The following POU2F3 variants were observed in gnomAD, a reference collection of about 807,000 sequenced individuals.
POU2F3 encodes the protein POU domain, class 2, transcription factor 3.
A neutral mutation model predicts 59.2 loss-of-function variants in POU2F3; 23 were observed. The observed-to-expected ratio is 0.39, with a 90% CI of 0.28 to 0.55. POU2F3 has a LOEUF of 0.55. Among genes scored for constraint, POU2F3 ranks in the 20% least tolerant of loss-of-function variants. POU2F3 has a pLI of 0.66. For missense variants in POU2F3, 473 were observed against 544.5 expected (o/e 0.87, Z 1.31); for synonymous variants, 190 against 214.6 (o/e 0.89, Z 1.00).
At chr11:120,293,830 C>A (rs1021776569) in intron 3 of POU2F3, among the ~76,000 whole-genome samples, 1 of 152,166 alleles carries the variant, frequency 6.6e-6, no homozygotes, top group Non-Finnish European at 1.5e-5. Context: ...AGAAGACCAC[C>A]TTTTCCGTCA....
At chr11:120,298,895 T>C (rs1941265682) in intron 4 of POU2F3, among the ~76,000 whole-genome samples, 1 of 152,176 alleles carries the variant, frequency 6.6e-6, no homozygotes, top group African/African-American at 2.4e-5. Flanking sequence ...GAGCCACCCC[T>C]TTCTGGAAAC....
At chr11:120,246,778 A>G (rs1000357531) in intron 2 of POU2F3, among the ~76,000 whole-genome samples, 3 of 152,178 alleles carry the variant, frequency 2.0e-5, no homozygotes, top group East Asian at 3.8e-4. Context: ...ACAAAACCAA[A>G]AAAGTTCAGG....
chr11:120,291,843 C>T (rs7930543), intron 3 of POU2F3, among the ~76,000 whole-genome samples: 3,145 of 148,012 alleles, frequency 0.021, 52 homozygotes, highest in South Asian at 0.041. Context: ...GAGTCTAGCT[C>T]TGTCGCCCAG....
chr11:120,292,331 A>G (rs1417366712), intron 3 of POU2F3, among the ~76,000 whole-genome samples: 1 of 151,922 alleles, frequency 6.6e-6, no homozygotes, highest in African/African-American at 2.4e-5. Context: ...TTCCCTGATA[A>G]GCAGCCCAGG....
At chr11:120,298,454 C>A (rs969677945) in intron 4 of POU2F3, 64 bp downstream of exon 4, 4 of 1,594,256 alleles carry the variant, frequency 2.5e-6, no homozygotes, top group Non-Finnish European at 3.4e-6. Context: ...AAATGCTCGA[C>A]TTCCATGCTT....
intron 10 of POU2F3, among the ~76,000 whole-genome samples, chr11:120,312,939 T>C (rs1354987382): frequency 6.6e-6 from 1 of 151,774 alleles, no homozygotes; most frequent in Non-Finnish European, 1.5e-5. Flanking sequence ...ATATTCTAGG[T>C]AGAGGAAATA....
chr11:120,236,785 A>G (rs1337725901), upstream of POU2F3: 1 of 1,351,374 alleles, frequency 7.4e-7, no homozygotes, highest in Non-Finnish European at 1.0e-6. Flanking sequence ...GAGAAGGAAT[A>G]AAGATTGCTC....
intron 10 of POU2F3, among the ~76,000 whole-genome samples, chr11:120,312,639 C>T (rs976232876): frequency 6.6e-6 from 1 of 152,170 alleles, no homozygotes; most frequent in African/African-American, 2.4e-5. Context: ...CTTCCTTAAG[C>T]ATTCACTGAG....
chr11:120,261,404 A>G (rs1939599188), intron 2 of POU2F3: 1 of 152,180 alleles, frequency 6.6e-6, no homozygotes, highest in South Asian at 2.1e-4. Flanking sequence ...TATGAGCCAG[A>G]GTTCCTGGGC....
At chr11:120,271,765 G>C (rs1449827380) in intron 3 of POU2F3, among the ~76,000 whole-genome samples, 2 of 152,212 alleles carry the variant, frequency 1.3e-5, no homozygotes, top group African/African-American at 4.8e-5. Flanking sequence ...GGCTGCTGCT[G>C]GGAGTGGGCC....
At chr11:120,291,813 CTT>C (rs11330526) in intron 3 of POU2F3, among the ~76,000 whole-genome samples, 35 of 141,400 alleles carry the variant, frequency 2.5e-4, no homozygotes, top group Admixed American at 5.7e-4. Flanking sequence ...TTTCTTTTTT[CTT>C]TTTTTTTTTT....
At chr11:120,245,226 G>A (rs1468979651) in intron 1 of POU2F3, among the ~76,000 whole-genome samples, 1 of 152,128 alleles carries the variant, frequency 6.6e-6, no homozygotes, top group Non-Finnish European at 1.5e-5. Context: ...GTACACCTCG[G>A]CCGGAGCCAC....
At chr11:120,280,805 A>G (rs772424361) in intron 3 of POU2F3, among the ~76,000 whole-genome samples, 1 of 152,078 alleles carries the variant, frequency 6.6e-6, no homozygotes, top group Non-Finnish European at 1.5e-5. Flanking sequence ...GCCAGCAGAG[A>G]TGGTAGAGAT....
At chr11:120,295,523 G>A (rs1170934123) in intron 3 of POU2F3, among the ~76,000 whole-genome samples, 1 of 152,266 alleles carries the variant, frequency 6.6e-6, no homozygotes, top group Admixed American at 6.5e-5. Flanking sequence ...CTTGGCTTAA[G>A]TAAAATCCCC....
intron 10 of POU2F3, among the ~76,000 whole-genome samples, chr11:120,314,205 A>G (rs1279283985): frequency 6.6e-6 from 1 of 152,254 alleles, no homozygotes; most frequent in Non-Finnish European, 1.5e-5. Flanking sequence ...AAATGAAAAC[A>G]GGAAAACCAT....
chr11:120,243,926 T>C lies in POU2F3; in HGVS notation c.29-2523T>C, dbSNP rs542069427. On this transcript the variant is annotated intron_variant, in intron 1 of 12. Coordinates refer to ENST00000543440, the MANE Select transcript of POU2F3 (RefSeq NM_014352.4). ...GGTTGATGCCTTTGAAAGTTATTTT[T>C]AGACATGATTAAGACTAAATGTCAG... Among the ~76,000 whole-genome samples, 3 of 152,326 alleles carry C rather than the reference T, an allele frequency of 2.0e-5. 1 individual carries two copies. The South Asian group carries it at 6.2e-4, about 32-fold the overall frequency.
chr11:120,265,245 G>C lies in POU2F3; in HGVS notation c.98-3965G>C, dbSNP rs1939779197. The stretch of plus-strand genomic sequence containing the variant: ...ACCAGATATGAACCTAATACCTCCA[G>C]TAGACTATGTCCCTATGTCTCGGCC... On this transcript the variant is annotated intron_variant, in intron 2 of 12. Transcript: ENST00000543440. The C allele has an allele frequency of 2.6e-5, 4 of 152,262 alleles. No homozygotes were observed. The South Asian group carries it at 8.3e-4, about 32-fold the overall frequency. 9.4% of individuals were successfully genotyped at this position (152,262 alleles called of 1,614,324 possible). A position where few individuals can be genotyped will look rare whatever the true frequency, so the allele number is the denominator to read the frequency against.
At chr11:120,238,827 TAAA>T (rs56948018), upstream of POU2F3, among the ~76,000 whole-genome samples, 135 of 48,346 alleles carry the variant, frequency 2.8e-3, no homozygotes, top group South Asian at 0.016. Flanking sequence ...AGACTCTGTC[TAAA>T]AAAAAAAAAA....
At chr11:120,244,499 G>A (rs1005690698) in intron 1 of POU2F3, among the ~76,000 whole-genome samples, 3 of 152,166 alleles carry the variant, frequency 2.0e-5, no homozygotes, top group Non-Finnish European at 4.4e-5. Context: ...CCGAATATGT[G>A]GCTAGGGTCC....
Sources: gnomAD v4.1 joint callset for allele counts (sites outside exome capture counted in the v4.1 genomes callset) on GRCh38, gnomAD v4.1.1 for gene constraint, MANE v1.5 for transcripts, NCBI Gene and HGNC (gene_info 2026-07-23, HGNC 2026-07-21) for gene names.